Variants in DNAJB6 observed in about 807,000 individuals in gnomAD.
DNAJB6 encodes dnaJ homolog subfamily B member 6.
In DNAJB6, 16 loss-of-function variants were observed where a neutral mutation model predicts 42.7. That is an observed-to-expected ratio of 0.37 (90% CI 0.25 to 0.57). The LOEUF (loss-of-function observed/expected upper bound fraction) is 0.57, where lower values mean the gene tolerates loss of function less well. DNAJB6 is among the 20% of genes least tolerant of loss of function. The probability of loss-of-function intolerance (pLI) is 0.74; values close to 1 mark genes in which losing one functional copy is unlikely to be tolerated. For synonymous variants in DNAJB6, 170 were observed against 163.5 expected (o/e 1.04, Z -0.30); for missense variants, 347 against 416.8 (o/e 0.83, Z 1.46).
intron 9 of DNAJB6, chr7:157,414,405 G>C (rs1268503300): frequency 1.3e-5 from 2 of 152,282 alleles, no homozygotes; most frequent in Admixed American, 6.5e-5. Flanking sequence ...TCCTCGGGAC[G>C]GAGATCTCCT....
At chr7:157,400,262 C>G (rs1239094843) in intron 8 of DNAJB6, among the ~76,000 whole-genome samples, 1 of 151,466 alleles carries the variant, frequency 6.6e-6, no homozygotes, top group Non-Finnish European at 1.5e-5. Flanking sequence ...CTAGGGAGTT[C>G]TGAACATGGG....
At position 157,367,462 on chromosome 7, in the gene DNAJB6, C is replaced by A. The variant is rs780874443; in HGVS notation, c.325C>A (p.Pro109Thr). The change falls in exon 5 of 10, where the codon CCA becomes ACA. Residue 109 changes from proline to threonine, a missense_variant. Physicochemically the swap from Pro to Thr is conservative, Grantham distance 38 (BLOSUM62 -1). Around this residue, in one of 3 missense-constraint regions of DNAJB6, gnomAD observed 264 missense variants for 288.0 expected, o/e 0.92. Transcript: ENST00000262177. ...VFREFFGGRD[P>T]FSFDFFEDPF... ...CAGGGAATTTTTTGGTGGAAGGGACCCATTTTCATTTGACTTCTTTGGTAA... is the reference window on the plus strand; with the variant it reads ...CAGGGAATTTTTTGGTGGAAGGGACACATTTTCATTTGACTTCTTTGGTAA... The A allele has an allele frequency of 6.2e-7, 1 of 1,608,394 alleles. No individual in the cohort carries two copies. Among genetic ancestry groups the A allele is most frequent in the Non-Finnish European group, 8.5e-7 (1 of 1,174,870 alleles).
At position 157,347,563 on chromosome 7, in the gene DNAJB6, C is replaced by T. The variant is rs115265896; in HGVS notation, c.-27+10419C>T. Reference sequence around the variant, plus strand: ...GACATTTACTTAATTCCTTTGAGCCCCCGTTTCCTCACCTACAAACAGTAA... The same window carrying T: ...GACATTTACTTAATTCCTTTGAGCCTCCGTTTCCTCACCTACAAACAGTAA... On this transcript the variant is annotated intron_variant, in intron 1 of 9. Transcript: ENST00000262177. Among the ~76,000 whole-genome samples, 501 of 152,244 alleles carry T rather than the reference C, an allele frequency of 3.3e-3. 3 individuals carry two copies. Among genetic ancestry groups the T allele is most frequent in the African/African-American group, 0.012 (478 of 41,538 alleles).
At chr7:157,357,189 C>T (rs1289816501) in intron 1 of DNAJB6, among the ~76,000 whole-genome samples, 1 of 148,046 alleles carries the variant, frequency 6.8e-6, no homozygotes, top group African/African-American at 2.5e-5. Flanking sequence ...ACAGATGTGT[C>T]TTTGTGGCTT....
chr7:157,390,066 G>A (rs1036684129), intron 8 of DNAJB6, among the ~76,000 whole-genome samples: 1 of 152,254 alleles, frequency 6.6e-6, no homozygotes, highest in Admixed American at 6.5e-5. Flanking sequence ...TCTGGCTGCT[G>A]CTGTGTCCTG....
chr7:157,415,980 G>A, intron 9 of DNAJB6, 36 bp from the exon 10 acceptor site: 1 of 1,614,068 alleles, frequency 6.2e-7, no homozygotes, highest in Non-Finnish European at 8.5e-7. Flanking sequence ...AAGCAGTGCT[G>A]TTCCGTACAG....
At chr7:157,405,649 G>C (rs1287333761) in intron 8 of DNAJB6, among the ~76,000 whole-genome samples, 1 of 152,212 alleles carries the variant, frequency 6.6e-6, no homozygotes, top group Non-Finnish European at 1.5e-5. Context: ...TCACCGTACA[G>C]TCTCCTGGGA....
intron 1 of DNAJB6, among the ~76,000 whole-genome samples, chr7:157,355,916 C>T (rs1055844073): frequency 7.2e-5 from 11 of 152,202 alleles, no homozygotes; most frequent in East Asian, 5.8e-4. Context: ...GCTGGCCACG[C>T]GGCCCTCACC....
chr7:157,366,432 A>G (rs1302638765), intron 3 of DNAJB6, 70 bp from the exon 4 acceptor site: 8 of 1,369,562 alleles, frequency 5.8e-6, no homozygotes, highest in Non-Finnish European at 8.3e-6. Flanking sequence ...ACAACTGGGG[A>G]AATACCTTAT....
intron 1 of DNAJB6, among the ~76,000 whole-genome samples, chr7:157,355,941 C>T (rs894516387): frequency 6.6e-6 from 1 of 152,252 alleles, no homozygotes; most frequent in Non-Finnish European, 1.5e-5. Context: ...CCCACGTTCT[C>T]ACCTCTGTGC....
chr7:157,348,291 G>A (rs1327529712), intron 1 of DNAJB6, among the ~76,000 whole-genome samples: 4 of 151,956 alleles, frequency 2.6e-5, no homozygotes, highest in South Asian at 4.2e-4. Context: ...ATGGGGTTTC[G>A]CCATGTTGGC....
At chr7:157,338,143 G>A (rs752087359) in intron 1 of DNAJB6, among the ~76,000 whole-genome samples, 43 of 152,314 alleles carry the variant, frequency 2.8e-4, no homozygotes, top group Non-Finnish European at 4.6e-4. Flanking sequence ...AAAAGTTAGA[G>A]TGAAGACCGA....
At position 157,405,830 on chromosome 7, in the gene DNAJB6, G is replaced by A. The variant is rs555719914; in HGVS notation, c.692-3965G>A. Among the ~76,000 whole-genome samples the A allele has an allele frequency of 3.0e-3, 452 of 152,350 alleles. 1 individual carries two copies. The highest frequency in any genetic ancestry group is 5.2e-3 in the Non-Finnish European group (352 of 68,026). Reference sequence around the variant, plus strand: ...TGCTTGTTCCGGTTCTCCTGCAGCCGGTCTGTCCATCCTGCCTGCTGTGAC... The same window carrying A: ...TGCTTGTTCCGGTTCTCCTGCAGCCAGTCTGTCCATCCTGCCTGCTGTGAC... On this transcript the variant is annotated intron_variant, in intron 8 of 9. Transcript: ENST00000262177.
At chr7:157,362,828 T>G (rs1187869780) in intron 2 of DNAJB6, among the ~76,000 whole-genome samples, 5 of 152,022 alleles carry the variant, frequency 3.3e-5, no homozygotes, top group Non-Finnish European at 2.9e-5. Context: ...AATTTTAATT[T>G]TGAGACAGTC....
chr7:157,359,286 G>A (rs1311460170), intron 2 of DNAJB6, among the ~76,000 whole-genome samples: 1 of 152,190 alleles, frequency 6.6e-6, no homozygotes. Flanking sequence ...TAAAAAAATT[G>A]TTAATAAATA....
chr7:157,341,763 GT>G (rs1376934288), intron 1 of DNAJB6, among the ~76,000 whole-genome samples: 1 of 152,190 alleles, frequency 6.6e-6, no homozygotes, highest in Non-Finnish European at 1.5e-5. Flanking sequence ...ATTCTTTCTA[GT>G]TTGTGTATGT....
At chr7:157,390,175 A>T (rs1021505661) in intron 8 of DNAJB6, among the ~76,000 whole-genome samples, 2 of 152,218 alleles carry the variant, frequency 1.3e-5, no homozygotes, top group African/African-American at 4.8e-5. Context: ...CCTGGACCAC[A>T]GCTGCCTGGA....
intron 8 of DNAJB6, 74 bp from the exon 9 acceptor site, chr7:157,409,721 C>T (rs1795901486): frequency 1.4e-6 from 2 of 1,427,040 alleles, no homozygotes. Flanking sequence ...CGGCCAGCTT[C>T]CCTCCCTCTG....
intron 1 of DNAJB6, among the ~76,000 whole-genome samples, chr7:157,352,333 C>CAT (rs1195466970): frequency 2.0e-5 from 3 of 151,640 alleles, no homozygotes; most frequent in African/African-American, 7.3e-5. Context: ...AAAATATATA[C>CAT]ATATATATGT....
Sources: gnomAD v4.1 joint callset for allele counts (sites outside exome capture counted in the v4.1 genomes callset) on GRCh38, gnomAD v4.1.1 for gene constraint, gnomAD v4.1.1 regional missense constraint, MANE v1.5 for transcripts, NCBI Gene and HGNC (gene_info 2026-07-23, HGNC 2026-07-21) for gene names.